The following MMD2 variants were observed in gnomAD, a reference collection of about 807,000 sequenced individuals.
MMD2 encodes the protein monocyte to macrophage differentiation factor 2.
Under a neutral mutation model 33.5 loss-of-function variants are expected in MMD2, and 30 were observed. The observed-to-expected ratio is 0.90, with a 90% CI of 0.67 to 1.22. The LOEUF is 1.22. Ranked by LOEUF, MMD2 falls within the 50% of genes most tolerant of loss-of-function variation. MMD2 has a pLI of 0.00. For missense variants in MMD2, 364 were observed against 325.4 expected, an observed-to-expected ratio of 1.12 and a Z score of -0.91; for synonymous variants, 129 against 123.0, an observed-to-expected ratio of 1.05 and a Z score of -0.32.
chr7:4,902,773 A>G (rs1292090736), downstream of MMD2, among the ~76,000 whole-genome samples: 1 of 152,166 alleles, frequency 6.6e-6, no homozygotes, highest in Non-Finnish European at 1.5e-5. Flanking sequence ...ACAGGTGCCC[A>G]TCTCCCAACC....
chr7:4,922,974 C>T (rs1483090212), intron 2 of MMD2, among the ~76,000 whole-genome samples: 2 of 152,194 alleles, frequency 1.3e-5, no homozygotes, highest in Non-Finnish European at 2.9e-5. Context: ...TCACCCACTT[C>T]CTGGAGCCTG....
chr7:4,958,141 G>A (rs1354993035), intron 1 of MMD2, among the ~76,000 whole-genome samples: 1 of 152,208 alleles, frequency 6.6e-6, no homozygotes, highest in Non-Finnish European at 1.5e-5. Flanking sequence ...CCCCTCCAAA[G>A]AGGCCCCCGC....
At position 4,925,500 on chromosome 7, in the gene MMD2, C is replaced by G; in HGVS notation, c.80G>C (p.Arg27Thr). The G allele has an allele frequency of 1.3e-6, 2 of 1,580,814 alleles. No individual in the cohort carries two copies. Among genetic ancestry groups the G allele is most frequent in the African/African-American group, 1.4e-5 (1 of 73,448 alleles). ...FMNHRVPAHKRYQPTEYEHAA... is the reference protein window; with the variant it reads ...FMNHRVPAHKTYQPTEYEHAA... ...ATGTTCATACTCTGTGGGCTGGTACCTCTTGTGGGCAGGGACTCGGTGGTT... is the reference window on the plus strand; with the variant it reads ...ATGTTCATACTCTGTGGGCTGGTACGTCTTGTGGGCAGGGACTCGGTGGTT... The change falls in exon 2 of 7, where the codon AGG becomes ACG. Residue 27 changes from arginine (R) to threonine (T), a missense_variant. Transcript: ENST00000401401.
intron 6 of MMD2, 153 bp downstream of exon 6, chr7:4,909,728 C>A (rs1784956784): frequency 2.0e-6 from 2 of 1,002,926 alleles, no homozygotes; most frequent in Admixed American, 4.0e-5. Flanking sequence ...AGCCACTGTA[C>A]CTGGCCTACT....
At chr7:4,916,616 C>G (rs1356394987) in intron 3 of MMD2, among the ~76,000 whole-genome samples, 5 of 151,994 alleles carry the variant, frequency 3.3e-5, no homozygotes, top group Admixed American at 6.6e-5. Context: ...CTCCTGAACT[C>G]CAGTGATCCA....
At chr7:4,901,716 G>A (rs1784797253), downstream of MMD2, among the ~76,000 whole-genome samples, 1 of 152,226 alleles carries the variant, frequency 6.6e-6, no homozygotes, top group Non-Finnish European at 1.5e-5. Context: ...GGCTGGGTTT[G>A]TTGTCACCAA....
chr7:4,940,787 G>T lies in MMD2; in HGVS notation c.48-15255C>A, dbSNP rs1467708418. Among the ~76,000 whole-genome samples, 1 of 152,168 alleles carries T rather than the reference G, an allele frequency of 6.6e-6. No individual in the cohort carries two copies. Among genetic ancestry groups the T allele is most frequent in the African/African-American group, 2.4e-5 (1 of 41,444 alleles). The stretch of plus-strand genomic sequence containing the variant: ...CCCGGGCTTGCATCTCGTGCCAGAG[G>T]CGCGGGACTCTGGCATGATCTGCAG... On this transcript the variant is annotated intron_variant, in intron 1 of 6. Coordinates refer to ENST00000401401, the MANE Select transcript of MMD2 (RefSeq NM_198403.4). The surrounding 1 kb of genome is among the most constrained non-coding windows in gnomAD (Gnocchi z 5.0).
intron 6 of MMD2, among the ~76,000 whole-genome samples, chr7:4,909,202 C>G (rs1784943019): frequency 6.6e-6 from 1 of 152,008 alleles, no homozygotes; most frequent in African/African-American, 2.4e-5. Context: ...GTGAAAGAAA[C>G]TCTCCGCAGG....
At chr7:4,942,326 C>A (rs1785933133) in intron 1 of MMD2, among the ~76,000 whole-genome samples, 1 of 151,740 alleles carries the variant, frequency 6.6e-6, no homozygotes, top group Admixed American at 6.6e-5. Flanking sequence ...TCTCGAATAC[C>A]TGGCCTCATG....
the MMD2 span, among the ~76,000 whole-genome samples, chr7:4,898,292 T>C: frequency 6.6e-6 from 1 of 152,164 alleles, no homozygotes; most frequent in African/African-American, 2.4e-5. Context: ...GCACTCTGGA[T>C]CCCAAGGTAT....
intron 1 of MMD2, among the ~76,000 whole-genome samples, chr7:4,944,621 C>T (rs1253602444): frequency 6.6e-6 from 1 of 152,220 alleles, no homozygotes; most frequent in East Asian, 1.9e-4. Flanking sequence ...GCCATGGGTC[C>T]AGTGTGCCAT....
chr7:4,910,267 T>C (rs1019335052), intron 5 of MMD2, among the ~76,000 whole-genome samples: 3 of 152,288 alleles, frequency 2.0e-5, no homozygotes, highest in East Asian at 1.9e-4. Flanking sequence ...CAGCCCATGG[T>C]AGACATCACT....
At chr7:4,955,502 A>C (rs1786360412) in intron 1 of MMD2, among the ~76,000 whole-genome samples, 1 of 152,198 alleles carries the variant, frequency 6.6e-6, no homozygotes, top group Non-Finnish European at 1.5e-5. Flanking sequence ...GTTATTGAGC[A>C]CTTGGAATTG....
intron 3 of MMD2, among the ~76,000 whole-genome samples, chr7:4,917,779 C>T (rs73320276): frequency 0.016 from 2,473 of 152,070 alleles, 69 homozygotes; most frequent in African/African-American, 0.057. Context: ...GTATAGTGAG[C>T]GATAACCCTC....
rs554134167 is a variant in MMD2, at chr7:4,907,272, T to C, written c.*124A>G. On this transcript the variant is annotated 3_prime_UTR_variant, in exon 7 of 7. Coordinates refer to ENST00000401401, the MANE Select transcript of MMD2 (RefSeq NM_198403.4). ...GATCTGGCTGTCACCAGAAGTCACC[T>C]TGGAGCCATCAAGAACTCTACCCAA... The C allele has an allele frequency of 2.0e-4, 185 of 909,556 alleles. No individual in the cohort carries two copies. In the African/African-American group the frequency reaches 2.7e-3, roughly 13 times the overall value. 56.3% of individuals were successfully genotyped at this position (909,556 alleles called of 1,614,324 possible). A position where few individuals can be genotyped will look rare whatever the true frequency, so the allele number is the denominator to read the frequency against.
chr7:4,944,864 T>A (rs556798179), intron 1 of MMD2, among the ~76,000 whole-genome samples: 34 of 147,274 alleles, frequency 2.3e-4, no homozygotes, highest in Admixed American at 2.0e-3. Context: ...GCCTCCCAGG[T>A]TCACACCATT....
chr7:4,898,884 G>C, the MMD2 span, among the ~76,000 whole-genome samples: 3 of 151,988 alleles, frequency 2.0e-5, no homozygotes, highest in Non-Finnish European at 4.4e-5. Context: ...GGGCAACACA[G>C]TGAGACTCTG....
chr7:4,952,416 A>C (rs140375365), intron 1 of MMD2, among the ~76,000 whole-genome samples: 109 of 152,306 alleles, frequency 7.2e-4, no homozygotes, highest in African/African-American at 2.6e-3. Flanking sequence ...CTCTTCAGTC[A>C]AGGAGGAAAG....
chr7:4,920,083 C>T (rs1459133208), intron 3 of MMD2, 88 bp downstream of exon 3: 6 of 1,413,274 alleles, frequency 4.2e-6, no homozygotes, highest in Admixed American at 4.2e-5. Context: ...CCAGGCAGAC[C>T]GGATATCCTG....
Sources: gnomAD v4.1 joint callset for allele counts (sites outside exome capture counted in the v4.1 genomes callset) on GRCh38, gnomAD v4.1.1 for gene constraint, Gnocchi (gnomAD v3.1) non-coding constraint, MANE v1.5 for transcripts, NCBI Gene and HGNC (gene_info 2026-07-23, HGNC 2026-07-21) for gene names.